Variants in CDH4 observed in about 807,000 individuals in gnomAD.
The protein encoded by CDH4 is cadherin 4, also known as cadherin-4.
Under a neutral mutation model 86.0 loss-of-function variants are expected in CDH4, and 33 were observed. The ratio of observed to expected loss-of-function variants is 0.38; its 90% CI spans 0.29 to 0.51. The LOEUF is 0.51. CDH4 is among the 20% of genes least tolerant of loss of function. The probability of loss-of-function intolerance (pLI) is 0.86; values close to 1 mark genes in which losing one functional copy is unlikely to be tolerated. For synonymous variants in CDH4, 555 were observed against 549.4 expected, an observed-to-expected ratio of 1.01 and a Z score of -0.14; for missense variants, 1,114 against 1,307.4, an observed-to-expected ratio of 0.85 and a Z score of 2.28.
chr20:61,274,576 TGGGGGAG>T (rs2084214520), intron 2 of CDH4, among the ~76,000 whole-genome samples: 1 of 22,306 alleles, frequency 4.5e-5, no homozygotes. Context: ...GTGCACAGCT[TGGGGGAG>T]TACTGTGTGC....
chr20:61,572,866 T>TGGATGGATGGATGGACGGAC (rs1221730212), intron 2 of CDH4, among the ~76,000 whole-genome samples: 1 of 150,482 alleles, frequency 6.6e-6, no homozygotes, highest in African/African-American at 2.5e-5. Flanking sequence ...GATGGATGGA[T>TGGATGGATGGATGGACGGAC]GGACAGACAG....
chr20:61,837,693 G>C (rs1372748454), intron 4 of CDH4, among the ~76,000 whole-genome samples: 1 of 152,146 alleles, frequency 6.6e-6, no homozygotes, highest in Non-Finnish European at 1.5e-5. Flanking sequence ...GACAGACACA[G>C]TGAGAAGCAG....
rs1220457560 is a variant in CDH4, at chr20:61,383,246, T to TATATTA, written c.169+128309_169+128310insATATTA. Among the ~76,000 whole-genome samples, 5 of 60,402 alleles carry TATATTA rather than the reference T, an allele frequency of 8.3e-5. 1 individual carries two copies. The highest frequency in any genetic ancestry group is 7.7e-4 in the East Asian group (2 of 2,596). The allele number at this position is 60,402 out of a possible 152,430, so 39.6% of individuals were successfully genotyped here. On this transcript the variant is annotated intron_variant, in intron 2 of 15. Transcript: ENST00000614565. Reference sequence around the variant, plus strand: ...ATATTATATATATGAATATATATGATTATATATGAATATATGTGATATATA... The same window carrying TATATTA: ...ATATTATATATATGAATATATATGATATATTATATATATGAATATATGTGATATATA...
At chr20:61,855,779 C>T (rs1982972126) in intron 6 of CDH4, among the ~76,000 whole-genome samples, 1 of 152,264 alleles carries the variant, frequency 6.6e-6, no homozygotes, top group South Asian at 2.1e-4. Context: ...TGGGCACGGC[C>T]TGGCAGCCAG....
intron 2 of CDH4, among the ~76,000 whole-genome samples, chr20:61,566,438 A>G (rs1012605667): frequency 5.5e-4 from 84 of 152,198 alleles, no homozygotes; most frequent in African/African-American, 1.9e-3. Flanking sequence ...GTATCCACCT[A>G]TTTACCACGA....
At chr20:61,574,354 G>A (rs1015761696) in intron 2 of CDH4, among the ~76,000 whole-genome samples, 2 of 152,240 alleles carry the variant, frequency 1.3e-5, no homozygotes, top group Non-Finnish European at 2.9e-5. Context: ...CGTGTGCAAC[G>A]TGAAATGAAG....
At chr20:61,653,543 G>A (rs1296121610) in intron 2 of CDH4, among the ~76,000 whole-genome samples, 7 of 144,276 alleles carry the variant, frequency 4.9e-5, no homozygotes, top group Non-Finnish European at 9.3e-5. Context: ...CCTCCCGGAC[G>A]GGGTGGCTGG....
intron 6 of CDH4, among the ~76,000 whole-genome samples, chr20:61,860,488 G>A (rs1194838320): frequency 1.3e-5 from 2 of 152,210 alleles, no homozygotes; most frequent in Non-Finnish European, 2.9e-5. Flanking sequence ...GTTCCCAGAC[G>A]CTGGCCTGCC....
intron 2 of CDH4, among the ~76,000 whole-genome samples, chr20:61,722,416 A>G (rs1166978162): frequency 6.6e-6 from 1 of 152,188 alleles, no homozygotes; most frequent in East Asian, 1.9e-4. Context: ...AGAAGTGAGG[A>G]AGGATTTCAC....
At chr20:61,460,217 C>G (rs2085434063) in intron 2 of CDH4, among the ~76,000 whole-genome samples, 1 of 152,210 alleles carries the variant, frequency 6.6e-6, no homozygotes, top group Non-Finnish European at 1.5e-5. Flanking sequence ...CAGGTGCCCA[C>G]TGTCGGACTT....
chr20:61,775,632 C>T lies in CDH4; in HGVS notation c.576+2450C>T, dbSNP rs1600974908. On this transcript the variant is annotated intron_variant, in intron 4 of 15. Transcript: ENST00000614565. ...TGATTTGACAACTGCCAATCAGACA[C>T]TTTTCCGAAACTCAAGAAAGGGCTG... Among the ~76,000 whole-genome samples, 8 of 152,268 alleles carry T rather than the reference C, an allele frequency of 5.3e-5. No homozygotes were observed. The South Asian group carries it at 1.7e-3, about 32-fold the overall frequency.
intron 2 of CDH4, among the ~76,000 whole-genome samples, chr20:61,542,385 G>T (rs1463748284): frequency 6.6e-6 from 1 of 152,146 alleles, no homozygotes; most frequent in African/African-American, 2.4e-5. Context: ...CAGCCTCTGA[G>T]AGAGGGTTTC....
intron 2 of CDH4, among the ~76,000 whole-genome samples, chr20:61,571,760 T>G (rs1215925081): frequency 1.4e-5 from 1 of 71,468 alleles, no homozygotes. Context: ...TTCCCTCCCC[T>G]TCCCACCCTT....
intron 2 of CDH4, among the ~76,000 whole-genome samples, chr20:61,597,765 C>A (rs2086567633): frequency 6.6e-6 from 1 of 152,174 alleles, no homozygotes; most frequent in Admixed American, 6.5e-5. Flanking sequence ...GGAGCCACAT[C>A]AACCTGAGGT....
chr20:61,766,556 C>T (rs564641523), intron 3 of CDH4, among the ~76,000 whole-genome samples: 1 of 152,214 alleles, frequency 6.6e-6, no homozygotes, highest in Admixed American at 6.5e-5. Context: ...CCACACCTGG[C>T]AGGGGGGCTT....
chr20:61,701,195 T>C (rs912921664), intron 2 of CDH4, among the ~76,000 whole-genome samples: 1 of 152,200 alleles, frequency 6.6e-6, no homozygotes, highest in Non-Finnish European at 1.5e-5. Flanking sequence ...GTCTCCAGTT[T>C]TCTAAGAACA....
intron 4 of CDH4, among the ~76,000 whole-genome samples, chr20:61,801,555 A>G (rs6061832): frequency 0.32 from 49,176 of 152,062 alleles, 8,512 homozygotes; most frequent in African/African-American, 0.45. Context: ...GTGTAGCCCC[A>G]CATGGTGCTG....
intron 5 of CDH4, among the ~76,000 whole-genome samples, chr20:61,850,683 G>A (rs1281296264): frequency 1.1e-4 from 17 of 152,244 alleles, no homozygotes; most frequent in Admixed American, 9.2e-4. Context: ...TGCGCCTGAC[G>A]CTCCGATTTG....
At chr20:61,340,997 A>T (rs2084646614) in intron 2 of CDH4, among the ~76,000 whole-genome samples, 1 of 152,230 alleles carries the variant, frequency 6.6e-6, no homozygotes, top group African/African-American at 2.4e-5. Context: ...CATTGGGCAG[A>T]TGCAGCAGGT....
Sources: allele counts gnomAD v4.1 joint callset (sites outside exome capture counted in the v4.1 genomes callset), GRCh38; gene constraint gnomAD v4.1.1; transcripts MANE v1.5; gene names NCBI Gene and HGNC (gene_info 2026-07-23, HGNC 2026-07-21).